The following PRELID2 variants were observed in gnomAD, a reference collection of about 807,000 sequenced individuals.
The protein encoded by PRELID2 is PRELI domain-containing protein 2.
A neutral mutation model predicts 28.4 loss-of-function variants in PRELID2; 25 were observed. The observed-to-expected ratio is 0.88, with a 90% confidence interval of 0.64 to 1.23. The LOEUF (loss-of-function observed/expected upper bound fraction) is 1.23, where lower values mean the gene tolerates loss of function less well. Among genes scored for constraint, PRELID2 ranks in the 50% most tolerant of loss-of-function variants. The pLI, the probability that PRELID2 is intolerant of heterozygous loss-of-function variation, is 0.00. For synonymous variants in PRELID2, 76 were observed against 71.6 expected (o/e 1.06, Z -0.31); for missense variants, 201 against 214.4 (o/e 0.94, Z 0.39).
the PRELID2 span, among the ~76,000 whole-genome samples, chr5:145,438,962 T>G: frequency 2.0e-5 from 3 of 152,176 alleles, no homozygotes; most frequent in African/African-American, 7.2e-5. Context: ...CCTTTTTCTC[T>G]GATGCAGCGA....
At chr5:145,598,452 C>G (rs1358153695) in intron 1 of PRELID2, among the ~76,000 whole-genome samples, 1 of 152,076 alleles carries the variant, frequency 6.6e-6, no homozygotes, top group Non-Finnish European at 1.5e-5. Flanking sequence ...CAGAAGCCAG[C>G]TAACAGATGA....
intron 1 of PRELID2, among the ~76,000 whole-genome samples, chr5:145,647,409 C>T (rs1354933177): frequency 6.6e-6 from 1 of 152,110 alleles, no homozygotes; most frequent in East Asian, 1.9e-4. Context: ...CAGACTGCTG[C>T]TGTGCTGGTA....
At chr5:145,635,226 T>G (rs1306984552) in intron 1 of PRELID2, among the ~76,000 whole-genome samples, 1 of 152,116 alleles carries the variant, frequency 6.6e-6, no homozygotes, top group Admixed American at 6.6e-5. Context: ...AAACATAAAT[T>G]CCTTAAGGAC....
chr5:145,565,160 C>T (rs1237015895), intron 1 of PRELID2, among the ~76,000 whole-genome samples: 1 of 152,156 alleles, frequency 6.6e-6, no homozygotes, highest in Non-Finnish European at 1.5e-5. Flanking sequence ...GCATTTTTGC[C>T]ATTTAAACAG....
chr5:145,359,712 A>G, the PRELID2 span, among the ~76,000 whole-genome samples: 4 of 152,156 alleles, frequency 2.6e-5, no homozygotes, highest in African/African-American at 9.7e-5. Flanking sequence ...ATTGCTGTTT[A>G]AAGACTATTA....
the PRELID2 span, among the ~76,000 whole-genome samples, chr5:145,383,218 T>C: frequency 6.6e-6 from 1 of 151,632 alleles, no homozygotes; most frequent in African/African-American, 2.4e-5. Context: ...ATATATATCT[T>C]ACACTCAAAT....
At chr5:145,670,826 A>G (rs1754692720) in intron 1 of PRELID2, among the ~76,000 whole-genome samples, 1 of 152,152 alleles carries the variant, frequency 6.6e-6, no homozygotes, top group Non-Finnish European at 1.5e-5. Flanking sequence ...TCTAGAAAAC[A>G]ACTAAAATGT....
At chr5:145,830,926 A>G (rs1549900) in intron 1 of PRELID2, among the ~76,000 whole-genome samples, 83,728 of 152,058 alleles carry the variant, frequency 0.55, 25,161 homozygotes, top group Non-Finnish European at 0.69. Context: ...ATAGATCAGT[A>G]GATCTGATTT....
At chr5:145,653,876 G>GA (rs1754343354) in intron 1 of PRELID2, among the ~76,000 whole-genome samples, 1 of 152,160 alleles carries the variant, frequency 6.6e-6, no homozygotes, top group Non-Finnish European at 1.5e-5. Context: ...AAAGCTAGCA[G>GA]AAGGCAAGAA....
chr5:145,789,992 A>C (rs1397584317), intron 5 of PRELID2, among the ~76,000 whole-genome samples: 1 of 152,214 alleles, frequency 6.6e-6, no homozygotes, highest in East Asian at 1.9e-4. Flanking sequence ...AAGATGAAAG[A>C]TAAAAAGTGT....
the PRELID2 span, among the ~76,000 whole-genome samples, chr5:145,252,076 G>A: frequency 0.083 from 12,570 of 152,046 alleles, 1,127 homozygotes; most frequent in African/African-American, 0.23. Flanking sequence ...AATCAGAAAC[G>A]CCTAGAGGTT....
intron 1 of PRELID2, among the ~76,000 whole-genome samples, chr5:145,482,386 G>A (rs1007355624): frequency 2.0e-5 from 3 of 152,198 alleles, no homozygotes; most frequent in African/African-American, 7.2e-5. Context: ...TTTGAATCCT[G>A]GCTCCATAAT....
chr5:145,819,483 C>T, intron 3 of PRELID2: 1 of 974,424 alleles, frequency 1.0e-6, no homozygotes, highest in Non-Finnish European at 1.6e-6. Flanking sequence ...TAGAGAAATA[C>T]ACATAAAGAC....
chr5:145,828,583 G>A (rs1755360667), intron 1 of PRELID2, among the ~76,000 whole-genome samples: 1 of 152,168 alleles, frequency 6.6e-6, no homozygotes, highest in Admixed American at 6.5e-5. Context: ...TAGGGAAAGG[G>A]CTGCACCAGA....
intron 5 of PRELID2, among the ~76,000 whole-genome samples, chr5:145,780,852 TA>T (rs1363767464): frequency 6.6e-6 from 1 of 152,162 alleles, no homozygotes; most frequent in Non-Finnish European, 1.5e-5. Context: ...AGGAGTTACT[TA>T]ACTCTCAAAA....
chr5:145,772,534 C>T (rs542246642), intron 5 of PRELID2, among the ~76,000 whole-genome samples: 6 of 152,186 alleles, frequency 3.9e-5, no homozygotes, highest in Non-Finnish European at 8.8e-5. Context: ...TGTGTTATAA[C>T]ATGGCAGAAG....
At chr5:145,774,613 T>C (rs1758301657) in intron 5 of PRELID2, among the ~76,000 whole-genome samples, 2 of 152,298 alleles carry the variant, frequency 1.3e-5, no homozygotes, top group Admixed American at 1.3e-4. Context: ...TGATGACCTA[T>C]AGGAAATACC....
At chr5:145,360,197 G>T in the PRELID2 span, among the ~76,000 whole-genome samples, 1 of 152,262 alleles carries the variant, frequency 6.6e-6, no homozygotes, top group East Asian at 1.9e-4. Flanking sequence ...ACTCCAAATG[G>T]GGAGACTCAC....
At chr5:145,267,751 C>A in the PRELID2 span, among the ~76,000 whole-genome samples, 3 of 152,096 alleles carry the variant, frequency 2.0e-5, no homozygotes, top group Admixed American at 6.6e-5. Context: ...CCATAGTGGT[C>A]GTGCTAATGT....
Sources: gnomAD v4.1 joint callset for allele counts (sites outside exome capture counted in the v4.1 genomes callset) on GRCh38, gnomAD v4.1.1 for gene constraint, MANE v1.5 for transcripts, NCBI Gene and HGNC (gene_info 2026-07-23, HGNC 2026-07-21) for gene names.